The following NTSR1 variants were observed in gnomAD, a reference collection of about 807,000 sequenced individuals.
The protein encoded by NTSR1 is neurotensin receptor 1.
Under a neutral mutation model 31.2 loss-of-function variants are expected in NTSR1, and 29 were observed. That is an observed-to-expected ratio of 0.93 (90% confidence interval 0.69 to 1.27). NTSR1 has a LOEUF of 1.27. Ranked by LOEUF, NTSR1 falls within the 50% of genes most tolerant of loss-of-function variation. NTSR1 has a pLI of 0.00. For missense variants in NTSR1, 697 were observed against 595.4 expected, an observed-to-expected ratio of 1.17 and a Z score of -1.78; for synonymous variants, 282 against 269.9, an observed-to-expected ratio of 1.04 and a Z score of -0.44.
chr20:62,759,962 G>A, intron 3 of NTSR1, 56 bp from the exon 4 acceptor site: 2 of 1,590,392 alleles, frequency 1.3e-6, no homozygotes, highest in Non-Finnish European at 8.6e-7. Flanking sequence ...CTGTCACCCT[G>A]CCTTGGGGCC....
intron 1 of NTSR1, among the ~76,000 whole-genome samples, chr20:62,725,492 G>A (rs1988891364): frequency 6.6e-6 from 1 of 152,206 alleles, no homozygotes; most frequent in South Asian, 2.1e-4. Context: ...TCCCATCACT[G>A]CCCACTCCTC....
intron 1 of NTSR1, among the ~76,000 whole-genome samples, chr20:62,754,230 C>T (rs1285033641): frequency 6.6e-6 from 1 of 152,184 alleles, no homozygotes; most frequent in Non-Finnish European, 1.5e-5. Flanking sequence ...GAACTGTCTG[C>T]ACACAGCTAC....
intron 1 of NTSR1, among the ~76,000 whole-genome samples, chr20:62,724,186 G>A (rs1988868035): frequency 6.6e-6 from 1 of 152,206 alleles, no homozygotes; most frequent in African/African-American, 2.4e-5. Context: ...CCAAGTCCTG[G>A]GAGGAGCCAA....
chr20:62,760,065 T>A lies in NTSR1; in HGVS notation c.1055T>A (p.Leu352His). ...TACTTCTACATGGTGACCAACGCACTCTTCTACGTCAGCTCCACCATCAAC... is the reference window on the plus strand; with the variant it reads ...TACTTCTACATGGTGACCAACGCACACTTCTACGTCAGCTCCACCATCAAC... ...YHYFYMVTNALFYVSSTINPI... is the reference protein window; with the variant it reads ...YHYFYMVTNAHFYVSSTINPI... The change falls in exon 4 of 4, where the codon CTC (leucine) becomes CAC (histidine). Residue 352 changes from leucine (L) to histidine (H), a missense_variant. Transcript: ENST00000370501. 1 of 1,614,094 alleles carries A rather than the reference T, an allele frequency of 6.2e-7. No homozygotes were observed. The highest frequency in any genetic ancestry group is 8.5e-7 in the Non-Finnish European group (1 of 1,179,994).
chr20:62,755,863 TCCAC>T (rs1378328580), intron 2 of NTSR1, among the ~76,000 whole-genome samples: 1 of 39,136 alleles, frequency 2.6e-5, no homozygotes, highest in African/African-American at 1.1e-4. Flanking sequence ...CCTCCCTCCC[TCCAC>T]CCATCATCCC....
Position 62,745,760 on chromosome 20 carries a change from G to A in NTSR1, c.715-8925G>A, listed in dbSNP as rs1176456407. Among the ~76,000 whole-genome samples, 2 of 152,216 alleles carry A rather than the reference G, an allele frequency of 1.3e-5. No individual in the cohort carries two copies. Among genetic ancestry groups the A allele is most frequent in the African/African-American group, 2.4e-5 (1 of 41,460 alleles). On this transcript the variant is annotated intron_variant, in intron 1 of 3. Transcript: ENST00000370501. This position sits in a 1 kb window ranked among gnomAD's most constrained non-coding sequence, Gnocchi z 4.1. ...TTCTCTACAGCTGCTGAACAGCCTCGCCGTCCCCAGGGCTTCCCTGCTGTT... is the reference window on the plus strand; with the variant it reads ...TTCTCTACAGCTGCTGAACAGCCTCACCGTCCCCAGGGCTTCCCTGCTGTT...
intron 1 of NTSR1, among the ~76,000 whole-genome samples, chr20:62,728,630 T>C (rs2427423): frequency 0.84 from 128,348 of 152,168 alleles, 55,206 homozygotes; most frequent in East Asian, 0.98. Flanking sequence ...CGGAAGACGC[T>C]GTGTGCACAG....
chr20:62,759,165 G>A (rs1440852326), intron 3 of NTSR1, among the ~76,000 whole-genome samples: 2 of 152,210 alleles, frequency 1.3e-5, no homozygotes, highest in South Asian at 4.1e-4. Flanking sequence ...CAGGGAGGGC[G>A]CACCTACGAC....
In NTSR1 at chr20:62,754,750, C is replaced by T; in HGVS notation, c.780C>T (p.Ala260=). 1 of 1,612,864 alleles carries T rather than the reference C, an allele frequency of 6.2e-7. No homozygotes were observed. The highest frequency in any genetic ancestry group is 8.5e-7 in the Non-Finnish European group (1 of 1,179,798). Residue 260 remains alanine, a synonymous_variant, in exon 2 of 4, where the codon GCC becomes GCT. Transcript: ENST00000370501. ...VVISVLNTII[A]NKLTVMVRQA... is the part of the protein sequence containing the mutation. ...TCTCGGTCCTGAACACCATCATCGC[C>T]AACAAGCTGACCGTCATGGTACGCC... is the stretch of plus-strand genomic sequence containing the variant.
At chr20:62,746,379 G>A (rs1375315244) in intron 1 of NTSR1, among the ~76,000 whole-genome samples, 2 of 152,234 alleles carry the variant, frequency 1.3e-5, no homozygotes, top group African/African-American at 4.8e-5. Context: ...CGCTGTGTCT[G>A]TAGCTCTTAT....
chr20:62,727,320 A>G (rs1459203034), intron 1 of NTSR1, among the ~76,000 whole-genome samples: 1 of 152,208 alleles, frequency 6.6e-6, no homozygotes, highest in Non-Finnish European at 1.5e-5. Context: ...CTCAGGGAGC[A>G]GCAAGGGCTG....
At chr20:62,719,650 C>CT (rs1184405586) in intron 1 of NTSR1, among the ~76,000 whole-genome samples, 145 of 79,112 alleles carry the variant, frequency 1.8e-3, no homozygotes, top group African/African-American at 3.6e-3. Flanking sequence ...TTTGACCACT[C>CT]CGGGGGCCAA....
At chr20:62,710,173 C>A (rs749690935) in intron 1 of NTSR1, among the ~76,000 whole-genome samples, 12 of 152,236 alleles carry the variant, frequency 7.9e-5, no homozygotes, top group Non-Finnish European at 1.8e-4. Context: ...GGGCCTCGGA[C>A]ATCTCTGAAT....
Position 62,709,799 on chromosome 20 carries a change from CT to C in NTSR1, c.593del (p.Leu198ArgfsTer58), listed in dbSNP as rs1988567435. 6.2e-7 allele frequency: 1 copy of C among 1,612,896 alleles called. No individual in the cohort carries two copies. Among genetic ancestry groups the C allele is most frequent in the Non-Finnish European group, 8.5e-7 (1 of 1,179,924 alleles). ...CAGCGCCATCTGGCTCGCCTCGGCC[CT>C]GCTGGCGGTGCCTATGCTGTTCACC... ...FISAIWLASALLAVPMLFTMG... is the reference protein window; with the variant it reads ...FISAIWLASAXLAVPMLFTMG... On this transcript the variant is annotated frameshift_variant, in exon 1 of 4. Transcript: ENST00000370501. LOFTEE classifies it high-confidence loss of function.
rs59903116 is a variant in NTSR1 at position 62,760,402 on chromosome 20, A to ACCCCCCCCCCCCCCCCCCCCCC, written c.*143_*144insCCCCCCCCCCCCCCCCCCCCCC. On this transcript the variant is annotated 3_prime_UTR_variant, in exon 4 of 4. Coordinates refer to ENST00000370501, the MANE Select transcript of NTSR1 (RefSeq NM_002531.3). ...CCTGCACTGGAGTCTGAGGCCTGGG[A>ACCCCCCCCCCCCCCCCCCCCCC]CCCCCCCCTCCCACCCCCTAACCCA... The ACCCCCCCCCCCCCCCCCCCCCC allele has an allele frequency of 7.0e-6, 6 of 861,390 alleles. No homozygotes were observed. Among genetic ancestry groups the ACCCCCCCCCCCCCCCCCCCCCC allele is most frequent in the Non-Finnish European group, 9.7e-6 (6 of 617,014 alleles). 53.4% of individuals were successfully genotyped at this position (861,390 alleles called of 1,614,324 possible). A position where few individuals can be genotyped will look rare whatever the true frequency, so the allele number is the denominator to read the frequency against.
chr20:62,731,011 T>A (rs578094586), intron 1 of NTSR1, among the ~76,000 whole-genome samples: 1 of 152,338 alleles, frequency 6.6e-6, no homozygotes, highest in African/African-American at 2.4e-5. Context: ...TATTTTTTCC[T>A]AGGCTGTATC....
At chr20:62,722,176 T>C (rs1988835973) in intron 1 of NTSR1, among the ~76,000 whole-genome samples, 2 of 152,314 alleles carry the variant, frequency 1.3e-5, no homozygotes, top group Admixed American at 6.5e-5. Flanking sequence ...CTCGTCATCT[T>C]GAACTTGGGT....
At chr20:62,752,869 T>G (rs1264030135) in intron 1 of NTSR1, among the ~76,000 whole-genome samples, 2 of 151,982 alleles carry the variant, frequency 1.3e-5, no homozygotes, top group Non-Finnish European at 2.9e-5. Context: ...GAAGGTGGAC[T>G]TCGGCCAGAG....
At chr20:62,716,661 G>A (rs772354554) in intron 1 of NTSR1, among the ~76,000 whole-genome samples, 82 of 93,996 alleles carry the variant, frequency 8.7e-4, no homozygotes, top group Non-Finnish European at 2.3e-4. Flanking sequence ...TCCGCTCAAG[G>A]CTGTTTCGGG....
Sources: gnomAD v4.1 joint callset for allele counts (sites outside exome capture counted in the v4.1 genomes callset) on GRCh38, gnomAD v4.1.1 for gene constraint, Gnocchi (gnomAD v3.1) non-coding constraint, MANE v1.5 for transcripts, NCBI Gene and HGNC (gene_info 2026-07-23, HGNC 2026-07-21) for gene names.